The following CHST13 variants were observed in gnomAD, a reference collection of about 807,000 sequenced individuals.
CHST13 encodes the protein carbohydrate sulfotransferase 13, also known as C4ST-3.
CHST13 carries 1 observed loss-of-function variant against 7.0 expected under a neutral mutation model. The ratio of observed to expected loss-of-function variants is 0.14; its 90% confidence interval spans 0.05 to 0.68. CHST13 has a LOEUF of 0.68. Among genes scored for constraint, CHST13 ranks in the 30% least tolerant of loss-of-function variants. The probability of loss-of-function intolerance (pLI) is 0.82; values close to 1 mark genes in which losing one functional copy is unlikely to be tolerated. For missense variants in CHST13, 572 were observed against 507.9 expected (o/e 1.13, Z -1.21); for synonymous variants, 257 against 240.9 (o/e 1.07, Z -0.62).
intron 1 of CHST13, among the ~76,000 whole-genome samples, chr3:126,526,263 G>A (rs1936534855): frequency 6.6e-6 from 1 of 152,220 alleles, no homozygotes; most frequent in African/African-American, 2.4e-5. Flanking sequence ...CACAGGGAGG[G>A]CACTCAGCTG....
chr3:126,537,289 G>A lies in CHST13; in HGVS notation c.180+936G>A, dbSNP rs148842981. On this transcript the variant is annotated intron_variant, in intron 2 of 2. Transcript: ENST00000319340. The stretch of plus-strand genomic sequence containing the variant: ...GAAACAGCTGTGCCAAAGGCCTGGC[G>A]GGGAGTGGAGGACAGGAGAGGGAGC... Among the ~76,000 whole-genome samples the A allele has an allele frequency of 9.2e-5, 14 of 152,340 alleles. No individual in the cohort carries two copies. The East Asian group carries it at 1.7e-3, about 19-fold the overall frequency.
intron 1 of CHST13, among the ~76,000 whole-genome samples, chr3:126,529,760 C>CTTCCA (rs2107562972): frequency 6.6e-6 from 1 of 152,298 alleles, no homozygotes; most frequent in South Asian, 2.1e-4. Flanking sequence ...CCCTCCTCCC[C>CTTCCA]TCCCATCATC....
Position 126,524,442 on chromosome 3 carries a change from C to A in CHST13, c.97+13C>A. The A allele has an allele frequency of 9.8e-7, 1 of 1,022,910 alleles. No individual in the cohort carries two copies. Among genetic ancestry groups the A allele is most frequent in the Non-Finnish European group, 1.3e-6 (1 of 798,884 alleles). The allele number at this position is 1,022,910 out of a possible 1,614,324, so 63.4% of individuals were successfully genotyped here. A position where few individuals can be genotyped will look rare whatever the true frequency, so the allele number is the denominator to read the frequency against. ...TCCCTGCGCCCGGGTGAGTGCCCGC[C>A]GGCCGAGCCGCGCACCCCCAACCAA... On this transcript the variant is annotated intron_variant, in intron 1 of 2. Coordinates refer to ENST00000319340, the MANE Select transcript of CHST13 (RefSeq NM_152889.3).
intron 2 of CHST13, 24 bp from the exon 3 acceptor site, chr3:126,541,708 CT>C (rs1936959721): frequency 4.9e-6 from 7 of 1,429,328 alleles, no homozygotes; most frequent in South Asian, 2.9e-5. Context: ...ACGCGTCCCC[CT>C]GTCCCGTCTC....
chr3:126,527,994 G>A (rs1321759588), intron 1 of CHST13: 3 of 151,882 alleles, frequency 2.0e-5, no homozygotes, highest in African/African-American at 7.3e-5. Context: ...ATTCTACAGG[G>A]CAGGGGCATT....
At chr3:126,539,857 ACACCC>A in intron 2 of CHST13, among the ~76,000 whole-genome samples, 1 of 37,166 alleles carries the variant, frequency 2.7e-5, no homozygotes, top group East Asian at 8.6e-4. Flanking sequence ...TCACACACAC[ACACCC>A]CACACCACAC....
intron 1 of CHST13, chr3:126,529,299 CT>C: frequency 3.1e-6 from 4 of 1,287,344 alleles, no homozygotes; most frequent in Non-Finnish European, 4.1e-6. Context: ...ATCGCATGGC[CT>C]TGAGCAGCTC....
At chr3:126,530,651 A>C (rs1243488909) in intron 1 of CHST13, among the ~76,000 whole-genome samples, 1 of 152,102 alleles carries the variant, frequency 6.6e-6, no homozygotes, top group Non-Finnish European at 1.5e-5. Context: ...TTGCTGCTAG[A>C]CTCAGGCCAC....
At position 126,539,984 on chromosome 3, in the gene CHST13, G is replaced by A. The variant is rs997405628; in HGVS notation, c.181-1749G>A. Among the ~76,000 whole-genome samples, 5 of 59,298 alleles carry A rather than the reference G, an allele frequency of 8.4e-5. No homozygotes were observed. The East Asian group carries it at 1.4e-3, about 17-fold the overall frequency. The allele number at this position is 59,298 out of a possible 152,430, so 38.9% of individuals were successfully genotyped here. A position where few individuals can be genotyped will look rare whatever the true frequency, so the allele number is the denominator to read the frequency against. ...CCACACACACACAAATGCCACACAC[G>A]CATGACACACACACACAAATGCCAC... On this transcript the variant is annotated intron_variant, in intron 2 of 2. Transcript: ENST00000319340.
In CHST13 at chr3:126,542,872, G is replaced by A; in HGVS notation, c.*294G>A. ...TAGATGGGCAAGGACTTGATAACCAGGGTTTTAGGCTTTTAAAGGCCATTT... is the reference window on the plus strand; with the variant it reads ...TAGATGGGCAAGGACTTGATAACCAAGGTTTTAGGCTTTTAAAGGCCATTT... On this transcript the variant is annotated 3_prime_UTR_variant, in exon 3 of 3. Coordinates refer to ENST00000319340, the MANE Select transcript of CHST13 (RefSeq NM_152889.3). 3.3e-6 allele frequency: 1 copy of A among 302,996 alleles called. No individual in the cohort carries two copies. Among genetic ancestry groups the A allele is most frequent in the Non-Finnish European group, 6.0e-6 (1 of 166,404 alleles). The allele number at this position is 302,996 out of a possible 1,614,324, so 18.8% of individuals were successfully genotyped here. A position where few individuals can be genotyped will look rare whatever the true frequency, so the allele number is the denominator to read the frequency against.
intron 1 of CHST13, among the ~76,000 whole-genome samples, chr3:126,530,076 G>A (rs912029600): frequency 2.0e-5 from 3 of 152,232 alleles, no homozygotes; most frequent in Non-Finnish European, 4.4e-5. Flanking sequence ...AGCTGGCCAA[G>A]TCAGGATTGG....
intron 2 of CHST13, among the ~76,000 whole-genome samples, chr3:126,537,047 C>T (rs1936811666): frequency 6.6e-6 from 1 of 152,138 alleles, no homozygotes; most frequent in Non-Finnish European, 1.5e-5. Flanking sequence ...AGTGGAGCCA[C>T]CAGTCCAGCA....
At chr3:126,534,151 G>T (rs1936714019) in intron 1 of CHST13, among the ~76,000 whole-genome samples, 1 of 152,036 alleles carries the variant, frequency 6.6e-6, no homozygotes, top group Admixed American at 6.6e-5. Context: ...CAGTTTTTGA[G>T]ATCTTTTCAA....
At chr3:126,527,305 C>T (rs1410813112) in intron 1 of CHST13, 1 of 152,274 alleles carries the variant, frequency 6.6e-6, no homozygotes, top group African/African-American at 2.4e-5. Flanking sequence ...AGACTCCCTT[C>T]AGCTGGGAGG....
chr3:126,530,986 C>T (rs114905443), intron 1 of CHST13, among the ~76,000 whole-genome samples: 2 of 152,388 alleles, frequency 1.3e-5, no homozygotes, highest in African/African-American at 2.4e-5. Flanking sequence ...TTCAGTTACA[C>T]GCAGCAGGGT....
At chr3:126,536,798 G>A (rs1387572193) in intron 2 of CHST13, among the ~76,000 whole-genome samples, 1 of 150,324 alleles carries the variant, frequency 6.7e-6, no homozygotes, top group Non-Finnish European at 1.5e-5. Context: ...GGGCCTGCAG[G>A]GACCACACAC....
At position 126,537,454 on chromosome 3, in the gene CHST13, G is replaced by A. The variant is rs1241928921; in HGVS notation, c.180+1101G>A. Among the ~76,000 whole-genome samples the A allele has an allele frequency of 2.0e-5, 3 of 152,194 alleles. 1 individual carries two copies. The highest frequency in any genetic ancestry group is 6.5e-5 in the Admixed American group (1 of 15,288). ...GGTATCCCTACTGCTGTGTAGAGAA[G>A]GATCAGGGTGGTGTTGGGTAGGTGG... is the stretch of plus-strand genomic sequence containing the variant. On this transcript the variant is annotated intron_variant, in intron 2 of 2. Transcript: ENST00000319340.
intron 2 of CHST13, among the ~76,000 whole-genome samples, chr3:126,539,292 G>GT (rs1264215314): frequency 1.3e-5 from 2 of 151,990 alleles, no homozygotes; most frequent in South Asian, 4.1e-4. Context: ...TTTGTGAAAC[G>GT]TTTTTTATTT....
intron 2 of CHST13, among the ~76,000 whole-genome samples, chr3:126,537,459 AG>A (rs1936822119): frequency 6.6e-6 from 1 of 152,172 alleles, no homozygotes; most frequent in African/African-American, 2.4e-5. Flanking sequence ...GAGAAGGATC[AG>A]GGTGGTGTTG....
Sources: gnomAD v4.1 joint callset for allele counts (sites outside exome capture counted in the v4.1 genomes callset) on GRCh38, gnomAD v4.1.1 for gene constraint, MANE v1.5 for transcripts, NCBI Gene and HGNC (gene_info 2026-07-23, HGNC 2026-07-21) for gene names.